Variants in RARB observed in about 807,000 individuals in gnomAD.
The protein encoded by RARB is HBV-activated protein.
Under a neutral mutation model 51.9 loss-of-function variants are expected in RARB, and 17 were observed. That is an observed-to-expected ratio of 0.33 (90% CI 0.22 to 0.49). RARB has a LOEUF of 0.49. Ranked by LOEUF, RARB falls within the 20% of genes least tolerant of loss-of-function variation. The probability of loss-of-function intolerance (pLI) is 0.99; values close to 1 mark genes in which losing one functional copy is unlikely to be tolerated. For missense variants in RARB, 369 were observed against 550.8 expected (o/e 0.67, Z 3.30); for synonymous variants, 215 against 195.4 (o/e 1.10, Z -0.84).
At chr3:24,835,553 C>A (rs1431772247) in intron 1 of RARB, among the ~76,000 whole-genome samples, 1 of 152,140 alleles carries the variant, frequency 6.6e-6, no homozygotes, top group African/African-American at 2.4e-5. Context: ...TACTCACACC[C>A]AGTAGGCTAA....
Position 25,516,998 on chromosome 3 carries a change from A to G in RARB, c.448+15675A>G, listed in dbSNP as rs573388835. Among the ~76,000 whole-genome samples the G allele has an allele frequency of 1.0e-3, 155 of 152,326 alleles. 1 individual carries two copies. The highest frequency in any genetic ancestry group is 1.6e-3 in the Non-Finnish European group (109 of 68,038). ...TGACGGCAGAAAAGAAAGCAGTAAA[A>G]ATGACAAATTCTTCCCTAATGCCAG... is the stretch of plus-strand genomic sequence containing the variant. On this transcript the variant is annotated intron_variant, in intron 3 of 7. Coordinates refer to ENST00000330688, the MANE Select transcript of RARB (RefSeq NM_000965.5).
At chr3:25,167,272 A>G (rs1052018502) in intron 4 of RARB, among the ~76,000 whole-genome samples, 1 of 152,248 alleles carries the variant, frequency 6.6e-6, no homozygotes, top group Non-Finnish European at 1.5e-5. Context: ...GGATTAAAAG[A>G]CGTGCACTTT....
intron 3 of RARB, among the ~76,000 whole-genome samples, chr3:25,064,256 T>C (rs1698613212): frequency 6.6e-6 from 1 of 152,142 alleles, no homozygotes; most frequent in African/African-American, 2.4e-5. Flanking sequence ...TTTCCATTTT[T>C]TCTCCATTTC....
At position 25,576,906 on chromosome 3, in the gene RARB, G is replaced by A. The variant is rs546368967; in HGVS notation, c.610-3640G>A. Among the ~76,000 whole-genome samples the A allele has an allele frequency of 2.0e-5, 3 of 152,292 alleles. No homozygotes were observed. In the South Asian group the frequency reaches 6.2e-4, roughly 32 times the overall value. On this transcript the variant is annotated intron_variant, in intron 4 of 7. Transcript: ENST00000330688. Reference sequence around the variant, plus strand: ...TCTTCTGTTGGGGGCAGACGTTCCCGAAGCCATGCTCTCATAGTGCCTAGA... The same window carrying A: ...TCTTCTGTTGGGGGCAGACGTTCCCAAAGCCATGCTCTCATAGTGCCTAGA...
intron 5 of RARB, among the ~76,000 whole-genome samples, chr3:25,586,291 C>G (rs889280815): frequency 3.9e-5 from 6 of 152,158 alleles, no homozygotes; most frequent in African/African-American, 1.4e-4. Flanking sequence ...CACTGCAGGT[C>G]TGTCCCAAGC....
chr3:25,011,942 C>A (rs1697407365), intron 2 of RARB, among the ~76,000 whole-genome samples: 1 of 152,042 alleles, frequency 6.6e-6, no homozygotes, highest in African/African-American at 2.4e-5. Flanking sequence ...TCATTTGTTT[C>A]ATGCAAAGGT....
chr3:25,177,030 G>A lies in RARB; in HGVS notation c.178+2455G>A, dbSNP rs138047258. ...AACTGCACCTTAAAAGGTGTTTGGA[G>A]AAGGGGCAGAAAAAGGACTAGGTAC... On this transcript the variant is annotated intron_variant, in intron 5 of 11. Coordinates refer to the RARB transcript ENST00000383772. Among the ~76,000 whole-genome samples, 348 of 152,280 alleles carry A rather than the reference G, an allele frequency of 2.3e-3. 2 individuals carry two copies. Among genetic ancestry groups the A allele is most frequent in the East Asian group, 0.02 (104 of 5,170 alleles).
At chr3:25,526,513 C>CCA (rs1463328591) in intron 3 of RARB, among the ~76,000 whole-genome samples, 1 of 151,906 alleles carries the variant, frequency 6.6e-6, no homozygotes, top group Non-Finnish European at 1.5e-5. Flanking sequence ...ATAATGATGG[C>CCA]TTGGACTAAT....
chr3:25,450,093 C>A (rs1191489647), intron 1 of RARB, among the ~76,000 whole-genome samples: 1 of 152,078 alleles, frequency 6.6e-6, no homozygotes, highest in Non-Finnish European at 1.5e-5. Flanking sequence ...ATCAGATGTA[C>A]TAATAGATGA....
intron 5 of RARB, among the ~76,000 whole-genome samples, chr3:25,200,290 T>A (rs926193745): frequency 7.2e-6 from 1 of 139,148 alleles, no homozygotes; most frequent in African/African-American, 2.6e-5. Context: ...TTCTGGTGGG[T>A]TTTTTTTTTT....
rs193287163 is a variant in RARB, at chr3:25,582,566, G to A, written c.786+1844G>A. ...ATATGGAGTGAGAGGTATGCTTTGAGATCCTCCGGGAAAGTGTCTTATTTC... is the reference window on the plus strand; with the variant it reads ...ATATGGAGTGAGAGGTATGCTTTGAAATCCTCCGGGAAAGTGTCTTATTTC... On this transcript the variant is annotated intron_variant, in intron 5 of 7. Transcript: ENST00000330688. Among the ~76,000 whole-genome samples the A allele has an allele frequency of 1.4e-4, 22 of 152,128 alleles. No individual in the cohort carries two copies. In the East Asian group the frequency reaches 3.7e-3, roughly 25 times the overall value.
rs924352799 is a variant in RARB, at chr3:25,428,571, C to T, written c.-161C>T. On this transcript the variant is annotated 5_prime_UTR_variant, in exon 1 of 8. Transcript: ENST00000330688. Reference sequence around the variant, plus strand: ...GGATCAATTACAGGCTTTTAGCTGGCTTGTCTGTCATAATTCATGATTCGG... The same window carrying T: ...GGATCAATTACAGGCTTTTAGCTGGTTTGTCTGTCATAATTCATGATTCGG... 31 of 1,332,740 alleles carry T rather than the reference C, an allele frequency of 2.3e-5. No individual in the cohort carries two copies. Among genetic ancestry groups the T allele is most frequent in the Non-Finnish European group, 3.0e-5 (31 of 1,037,628 alleles). 82.6% of individuals were successfully genotyped at this position (1,332,740 alleles called of 1,614,324 possible).
At chr3:25,072,787 C>T (rs901327766) in intron 3 of RARB, among the ~76,000 whole-genome samples, 1 of 151,970 alleles carries the variant, frequency 6.6e-6, no homozygotes, top group Non-Finnish European at 1.5e-5. Flanking sequence ...CGGCTCACTG[C>T]AAGCTCCGCC....
At chr3:25,120,823 C>G (rs555161459) in intron 3 of RARB, among the ~76,000 whole-genome samples, 1 of 152,032 alleles carries the variant, frequency 6.6e-6, no homozygotes, top group Non-Finnish European at 1.5e-5. Flanking sequence ...GCCCTTTGGC[C>G]GAATCTAGCT....
At chr3:25,446,094 A>T (rs1191843648) in intron 1 of RARB, among the ~76,000 whole-genome samples, 3 of 152,234 alleles carry the variant, frequency 2.0e-5, no homozygotes, top group African/African-American at 7.2e-5. Context: ...GACCTCCCTA[A>T]CTAATAAAAA....
chr3:25,081,697 A>T (rs1575151831), intron 3 of RARB, among the ~76,000 whole-genome samples: 1 of 124,838 alleles, frequency 8.0e-6, no homozygotes, highest in South Asian at 2.8e-4. Flanking sequence ...CAGTGGCTCA[A>T]TCTTGGCTCA....
chr3:24,923,241 T>C (rs1000859325), intron 2 of RARB, among the ~76,000 whole-genome samples: 1 of 152,182 alleles, frequency 6.6e-6, no homozygotes, highest in Admixed American at 6.5e-5. Flanking sequence ...AGTGCTTAGA[T>C]AGCAAACCTC....
rs574222150 is a variant in RARB at position 25,577,190 on chromosome 3, C to T, written c.610-3356C>T. Among the ~76,000 whole-genome samples the T allele has an allele frequency of 5.3e-5, 8 of 152,236 alleles. No individual in the cohort carries two copies. In the South Asian group the frequency reaches 1.7e-3, roughly 32 times the overall value. On this transcript the variant is annotated intron_variant, in intron 4 of 7. Transcript: ENST00000330688. ...CCCAACCCAACTGTGTGGGTGAATC[C>T]CACACCCTCCGGTTCGCCCGCGGGA...
intron 2 of RARB, among the ~76,000 whole-genome samples, chr3:24,908,805 T>C (rs1694928551): frequency 6.6e-6 from 1 of 151,946 alleles, no homozygotes; most frequent in African/African-American, 2.4e-5. Flanking sequence ...ACCATTGACA[T>C]GAACATACCT....
Sources: allele counts gnomAD v4.1 joint callset (sites outside exome capture counted in the v4.1 genomes callset), GRCh38; gene constraint gnomAD v4.1.1; transcripts MANE v1.5; gene names NCBI Gene and HGNC (gene_info 2026-07-23, HGNC 2026-07-21).